DLEC1: variants seen among roughly 807,000 people sequenced by gnomAD.
The protein encoded by DLEC1 is deleted in lung and esophageal cancer protein 1.
In DLEC1, 146 loss-of-function variants were observed where a neutral mutation model predicts 198.1. The ratio of observed to expected loss-of-function variants is 0.74; its 90% confidence interval spans 0.64 to 0.85. The LOEUF (loss-of-function observed/expected upper bound fraction) is 0.85, where lower values mean the gene tolerates loss of function less well. DLEC1 is among the 40% of genes least tolerant of loss of function. The probability of loss-of-function intolerance (pLI) is 0.00; values close to 1 mark genes in which losing one functional copy is unlikely to be tolerated. For missense variants in DLEC1, 2,233 were observed against 2,220.0 expected (o/e 1.01, Z -0.12); for synonymous variants, 897 against 866.8 (o/e 1.03, Z -0.61).
chr3:38,114,320 A>C, intron 25 of DLEC1, 22 bp from the exon 26 acceptor site: 1 of 1,612,664 alleles, frequency 6.2e-7, no homozygotes, highest in Non-Finnish European at 8.5e-7. Flanking sequence ...AGGAGTGACA[A>C]AGGGCTGGGG....
In DLEC1 at chr3:38,063,826, T is replaced by G. The variant is rs1451097737; in HGVS notation, c.1095-15T>G. 5 of 1,609,240 alleles carry G rather than the reference T, an allele frequency of 3.1e-6. No individual in the cohort carries two copies. In the Admixed American group the frequency reaches 8.4e-5, roughly 27 times the overall value. ...AAACTAACAGCCTTTCTCCCCCTCTTTTTTCATCCCACAGTTGTGCTGATA... is the reference window on the plus strand; with the variant it reads ...AAACTAACAGCCTTTCTCCCCCTCTGTTTTCATCCCACAGTTGTGCTGATA... On this transcript the variant is annotated splice_polypyrimidine_tract_variant and intron_variant, in intron 5 of 36. Transcript: ENST00000308059.
intron 15 of DLEC1, 64 bp from the exon 16 acceptor site, chr3:38,097,118 C>T (rs1183777984): frequency 2.1e-6 from 3 of 1,405,316 alleles, no homozygotes; most frequent in Non-Finnish European, 2.9e-6. Context: ...TACAGTCCTT[C>T]AGCAGGTACA....
chr3:38,084,482 A>AGTG (rs1698292740), intron 7 of DLEC1, among the ~76,000 whole-genome samples: 2 of 35,388 alleles, frequency 5.7e-5, no homozygotes, highest in Non-Finnish European at 1.1e-4. Context: ...TGGTGGTGGT[A>AGTG]GTAGTGGTGG....
At chr3:38,063,479 G>A (rs1477630353) in intron 5 of DLEC1, among the ~76,000 whole-genome samples, 3 of 151,932 alleles carry the variant, frequency 2.0e-5, no homozygotes, top group Non-Finnish European at 4.4e-5. Flanking sequence ...AAATAGAAGA[G>A]AAGAGAAGAG....
chr3:38,100,198 TGACTTTGGTTAGGCATGG>T, intron 18 of DLEC1, 70 bp from the exon 19 acceptor site: 1 of 1,462,812 alleles, frequency 6.8e-7, no homozygotes, highest in Non-Finnish European at 9.0e-7. Flanking sequence ...AGCTTAGGAG[TGACTTTGGTTAGGCATGG>T]CCAGCCCCCA....
intron 2 of DLEC1, among the ~76,000 whole-genome samples, chr3:38,046,562 CT>C (rs1466993980): frequency 6.6e-6 from 1 of 152,176 alleles, no homozygotes; most frequent in Non-Finnish European, 1.5e-5. Context: ...CATTAAACCT[CT>C]TTTTCTTTAT....
intron 2 of DLEC1, among the ~76,000 whole-genome samples, chr3:38,053,055 G>A (rs1183871524): frequency 6.6e-6 from 1 of 152,084 alleles, no homozygotes; most frequent in East Asian, 1.9e-4. Context: ...GCCTCTCGAG[G>A]TGCCGGGATT....
At chr3:38,053,745 G>A (rs1186077550) in intron 2 of DLEC1, among the ~76,000 whole-genome samples, 1 of 152,242 alleles carries the variant, frequency 6.6e-6, no homozygotes, top group Non-Finnish European at 1.5e-5. Flanking sequence ...CGGTTTTGTT[G>A]AATGGAAAAG....
chr3:38,039,479 C>T lies in DLEC1; in HGVS notation c.254C>T (p.Ser85Phe), dbSNP rs773269344. Residue 85 changes from serine to phenylalanine, a missense_variant, in exon 1 of 37, where the codon TCC (serine) becomes TTC (phenylalanine). Physicochemically the swap from Ser to Phe is radical, Grantham distance 155 (BLOSUM62 -2). Coordinates refer to ENST00000308059, the MANE Select transcript of DLEC1 (RefSeq NM_007335.4). Reference sequence around the variant, plus strand: ...CCTCAGCTGCTTCGTCTGCGCCCCTCCTCGCTGCGCACCCAAGATATCTCG... The same window carrying T: ...CCTCAGCTGCTTCGTCTGCGCCCCTTCTCGCTGCGCACCCAAGATATCTCG... ...PEPQLLRLRP[S>F]SLRTQDISHL... 60 of 1,613,934 alleles carry T rather than the reference C, an allele frequency of 3.7e-5. No individual in the cohort carries two copies. The highest frequency in any genetic ancestry group is 4.9e-5 in the Non-Finnish European group (58 of 1,179,898).
At chr3:38,084,079 A>G (rs1451060612) in intron 6 of DLEC1, 79 bp from the exon 7 acceptor site, 40 of 1,397,768 alleles carry the variant, frequency 2.9e-5, no homozygotes, top group Non-Finnish European at 3.6e-5. Context: ...CCCTTCTCAT[A>G]TTAGAGTAAA....
Position 38,094,981 on chromosome 3 carries a change from C to T in DLEC1, c.2022C>T (p.Asp674=). Residue 674 remains aspartate (D), a synonymous_variant, in exon 13 of 37, where the codon GAC becomes GAT. Coordinates refer to ENST00000308059, the MANE Select transcript of DLEC1 (RefSeq NM_007335.4). ...FSMDSIKCYP[D]KETAFSIMPR... ...TGGACAGCATCAAGTGCTACCCCGA[C>T]AAGGAGACTGCCTTCTCCATCATGC... The T allele has an allele frequency of 6.2e-7, 1 of 1,614,262 alleles. No individual in the cohort carries two copies. The highest frequency in any genetic ancestry group is 8.5e-7 in the Non-Finnish European group (1 of 1,180,040).
intron 33 of DLEC1, among the ~76,000 whole-genome samples, chr3:38,119,912 C>T (rs183612562): frequency 4.6e-5 from 7 of 152,176 alleles, no homozygotes; most frequent in Admixed American, 3.3e-4. Context: ...CTGGGTGAGG[C>T]GCAAGAATTT....
intron 6 of DLEC1, among the ~76,000 whole-genome samples, chr3:38,082,101 T>A (rs1200104763): frequency 7.0e-6 from 1 of 142,780 alleles, no homozygotes; most frequent in Non-Finnish European, 1.5e-5. Flanking sequence ...GCAGAGACCC[T>A]CCTCACCTCC....
intron 2 of DLEC1, among the ~76,000 whole-genome samples, chr3:38,053,623 C>T (rs879296728): frequency 2.2e-4 from 25 of 115,574 alleles, no homozygotes; most frequent in Admixed American, 6.5e-4. Context: ...AGGTGGGGGG[C>T]GCCTCTGCCC....
intron 2 of DLEC1, among the ~76,000 whole-genome samples, chr3:38,047,319 A>G (rs1421732365): frequency 3.3e-5 from 5 of 152,260 alleles, no homozygotes; most frequent in African/African-American, 1.2e-4. Context: ...TATCCACACT[A>G]TGGAATACTG....
At chr3:38,039,685 G>A (rs1336555934) in intron 1 of DLEC1, 49 bp downstream of exon 1, 37 of 1,542,278 alleles carry the variant, frequency 2.4e-5, no homozygotes, top group Non-Finnish European at 3.2e-5. Context: ...GGGTCTCAGC[G>A]CTCGGCACGC....
At position 38,039,256 on chromosome 3, in the gene DLEC1, T is replaced by C. The variant is rs1307691515; in HGVS notation, c.31T>C (p.Ser11Pro). 4 of 1,611,416 alleles carry C rather than the reference T, an allele frequency of 2.5e-6. No individual in the cohort carries two copies. Among genetic ancestry groups the C allele is most frequent in the Middle Eastern group, 1.7e-4 (1 of 6,036 alleles). METRSSKTRR[S>P]LASRTNECQG... ...GACCAGGAGCTCCAAAACGCGGAGG[T>C]CTTTAGCGTCCCGGACCAACGAGTG... Residue 11 changes from serine to proline, a missense_variant, in exon 1 of 37, where the codon TCT (serine) becomes CCT (proline). Physicochemically the swap from Ser to Pro is moderately conservative, Grantham distance 74. Coordinates refer to ENST00000308059, the MANE Select transcript of DLEC1 (RefSeq NM_007335.4).
intron 22 of DLEC1, 138 bp downstream of exon 22, chr3:38,109,700 C>G: frequency 7.2e-7 from 1 of 1,386,890 alleles, no homozygotes; most frequent in Non-Finnish European, 9.8e-7. Flanking sequence ...AGTGTTATTG[C>G]GGCCACTCAC....
chr3:38,063,988 G>GA, intron 6 of DLEC1, 69 bp downstream of exon 6: 1 of 978,372 alleles, frequency 1.0e-6, no homozygotes, highest in Non-Finnish European at 1.5e-6. Context: ...CTTTATTATG[G>GA]AAATTTTCTT....
Sources: gnomAD v4.1 joint callset for allele counts (sites outside exome capture counted in the v4.1 genomes callset) on GRCh38, gnomAD v4.1.1 for gene constraint, MANE v1.5 for transcripts, NCBI Gene and HGNC (gene_info 2026-07-23, HGNC 2026-07-21) for gene names.